The following DPYD variants were observed in gnomAD, a reference collection of about 807,000 sequenced individuals.
DPYD encodes dihydropyrimidine dehydrogenase [NADP(+)].
DPYD carries 109 observed loss-of-function variants against 116.2 expected under a neutral mutation model. The observed-to-expected ratio is 0.94, with a 90% CI of 0.80 to 1.10. DPYD has a LOEUF of 1.10. Ranked by LOEUF, DPYD falls within the 50% of genes least tolerant of loss-of-function variation. The pLI is 0.00. For missense variants in DPYD, 1,302 were observed against 1,254.5 expected (o/e 1.04, Z -0.57); for synonymous variants, 440 against 432.0 (o/e 1.02, Z -0.23).
At chr1:97,789,366 G>A (rs752586438) in intron 3 of DPYD, among the ~76,000 whole-genome samples, 41 of 152,114 alleles carry the variant, frequency 2.7e-4, no homozygotes, top group Non-Finnish European at 5.4e-4. Context: ...ACAGTTTAAT[G>A]ATATGGCTTC....
intron 13 of DPYD, among the ~76,000 whole-genome samples, chr1:97,468,670 T>C (rs1353815996): frequency 1.3e-5 from 2 of 152,164 alleles, no homozygotes; most frequent in African/African-American, 4.8e-5. Context: ...TCTTAACTCA[T>C]AGGCAGTACA....
intron 19 of DPYD, among the ~76,000 whole-genome samples, chr1:97,202,167 G>T (rs1232082729): frequency 1.3e-5 from 2 of 152,084 alleles, no homozygotes; most frequent in African/African-American, 4.8e-5. Context: ...CAAAAGTTCA[G>T]TTCAGAAAAA....
At chr1:97,580,730 T>C (rs1653592444) in intron 10 of DPYD, among the ~76,000 whole-genome samples, 2 of 152,134 alleles carry the variant, frequency 1.3e-5, no homozygotes, top group African/African-American at 4.8e-5. Context: ...ATCTTCAATA[T>C]CTCATCAGGT....
chr1:97,381,521 A>C (rs903727616), intron 15 of DPYD, among the ~76,000 whole-genome samples: 2 of 152,166 alleles, frequency 1.3e-5, no homozygotes, highest in Non-Finnish European at 2.9e-5. Flanking sequence ...TCACGAGGCC[A>C]ATTACTGATC....
intron 19 of DPYD, among the ~76,000 whole-genome samples, chr1:97,215,202 C>G (rs1309753290): frequency 2.0e-5 from 3 of 152,150 alleles, no homozygotes; most frequent in Non-Finnish European, 2.9e-5. Context: ...TTACAGATAA[C>G]AAAATTGAAG....
chr1:97,184,380 T>C (rs967150557), intron 20 of DPYD, among the ~76,000 whole-genome samples: 5 of 152,056 alleles, frequency 3.3e-5, no homozygotes, highest in African/African-American at 4.8e-5. Context: ...TGCACTTCCA[T>C]TGACAGTGTA....
At chr1:97,517,492 G>A (rs1002114815) in intron 12 of DPYD, among the ~76,000 whole-genome samples, 4 of 152,036 alleles carry the variant, frequency 2.6e-5, no homozygotes, top group Non-Finnish European at 5.9e-5. Context: ...TTCAAAGGAA[G>A]TATGGAAAGT....
intron 10 of DPYD, 134 bp downstream of exon 10, chr1:97,593,084 C>A: frequency 9.7e-7 from 1 of 1,027,404 alleles, no homozygotes; most frequent in Non-Finnish European, 1.4e-6. Context: ...AGAAAAGAAA[C>A]AATTATGTGT....
intron 18 of DPYD, among the ~76,000 whole-genome samples, chr1:97,247,878 TTCACAAAGCAAACTGCA>T (rs1662828557): frequency 6.6e-6 from 1 of 152,172 alleles, no homozygotes; most frequent in Non-Finnish European, 1.5e-5. Flanking sequence ...AAAAAACATT[TTCACAAAGCAAACTGCA>T]AGCCCAGATG....
At chr1:97,787,118 T>C (rs1307867403) in intron 3 of DPYD, among the ~76,000 whole-genome samples, 1 of 152,072 alleles carries the variant, frequency 6.6e-6, no homozygotes, top group Non-Finnish European at 1.5e-5. Context: ...TTACAGAAAA[T>C]ACTACTACAA....
chr1:97,304,954 A>G (rs1301681924), intron 18 of DPYD, among the ~76,000 whole-genome samples: 1 of 151,912 alleles, frequency 6.6e-6, no homozygotes, highest in Non-Finnish European at 1.5e-5. Flanking sequence ...TTTCTCTCAG[A>G]GGGCCCTCAT....
At chr1:97,249,901 A>G (rs1662970917) in intron 18 of DPYD, among the ~76,000 whole-genome samples, 1 of 152,212 alleles carries the variant, frequency 6.6e-6, no homozygotes, top group Admixed American at 6.5e-5. Flanking sequence ...CTAAAAATCC[A>G]AAAGACTGAT....
chr1:97,735,567 A>G (rs1473971501), intron 4 of DPYD, among the ~76,000 whole-genome samples: 1 of 150,256 alleles, frequency 6.7e-6, no homozygotes, highest in East Asian at 1.9e-4. Flanking sequence ...GGGTGCCTGT[A>G]GTCCCAGGTA....
At chr1:97,619,117 G>T (rs1288671654) in intron 8 of DPYD, among the ~76,000 whole-genome samples, 1 of 151,994 alleles carries the variant, frequency 6.6e-6, no homozygotes, top group African/African-American at 2.4e-5. Context: ...GTAAAATTTT[G>T]TTGTTTTATT....
At chr1:97,373,714 G>A in intron 15 of DPYD, 70 bp from the exon 16 acceptor site, 1 of 1,313,278 alleles carries the variant, frequency 7.6e-7, no homozygotes, top group Non-Finnish European at 1.1e-6. Context: ...TTTCACCGTT[G>A]ATAACACAAG....
Position 97,816,310 on chromosome 1 carries a change from CAA to C in DPYD, c.233+11802_233+11803del, listed in dbSNP as rs1016406657. The stretch of plus-strand genomic sequence containing the variant: ...AGAAAAAAAAAAGAAAATACAAAAA[CAA>C]AAAACCCTCTTTGTAGACTACAAGA... On this transcript the variant is annotated intron_variant, in intron 3 of 22. Transcript: ENST00000370192. Among the ~76,000 whole-genome samples the C allele has an allele frequency of 2.0e-5, 3 of 151,148 alleles. No individual in the cohort carries two copies. The South Asian group carries it at 6.2e-4, about 31-fold the overall frequency.
At chr1:97,596,082 G>A (rs1231777707) in intron 8 of DPYD, among the ~76,000 whole-genome samples, 3 of 151,838 alleles carry the variant, frequency 2.0e-5, no homozygotes, top group Non-Finnish European at 4.4e-5. Flanking sequence ...TACAGAAAGA[G>A]GAAAATAAGA....
chr1:97,880,509 T>A (rs991086371), intron 2 of DPYD, among the ~76,000 whole-genome samples: 2 of 151,826 alleles, frequency 1.3e-5, no homozygotes, highest in Admixed American at 1.3e-4. Context: ...GCTTCATATT[T>A]CACTTTTGGG....
chr1:97,508,827 T>C (rs549364207), intron 13 of DPYD, among the ~76,000 whole-genome samples: 2 of 152,064 alleles, frequency 1.3e-5, no homozygotes, highest in East Asian at 3.9e-4. Context: ...TCTGGTCTTG[T>C]GATGTGCCCT....
Sources: allele counts gnomAD v4.1 joint callset (sites outside exome capture counted in the v4.1 genomes callset), GRCh38; gene constraint gnomAD v4.1.1; transcripts MANE v1.5; gene names NCBI Gene and HGNC (gene_info 2026-07-23, HGNC 2026-07-21).